The following AMDHD1 variants were observed in gnomAD, a reference collection of about 807,000 sequenced individuals.
AMDHD1 encodes amidohydrolase domain containing 1.
A neutral mutation model predicts 44.1 loss-of-function variants in AMDHD1; 45 were observed. The observed-to-expected ratio is 1.02, with a 90% CI of 0.80 to 1.31. The LOEUF is 1.31. Among genes scored for constraint, AMDHD1 ranks in the 50% most tolerant of loss-of-function variants. The probability of loss-of-function intolerance (pLI) is 0.00; values close to 1 mark genes in which losing one functional copy is unlikely to be tolerated. For synonymous variants in AMDHD1, 206 were observed against 205.0 expected (o/e 1.00, Z -0.04); for missense variants, 586 against 552.1 (o/e 1.06, Z -0.61).
intron 6 of AMDHD1, among the ~76,000 whole-genome samples, chr12:95,964,565 C>T (rs2136770801): frequency 6.6e-6 from 1 of 152,150 alleles, no homozygotes; most frequent in Non-Finnish European, 1.5e-5. Context: ...TGAAGCTGTA[C>T]CCTTTCCTCA....
chr12:95,957,832 C>T (rs1442339273), intron 4 of AMDHD1, among the ~76,000 whole-genome samples: 2 of 152,138 alleles, frequency 1.3e-5, no homozygotes, highest in Non-Finnish European at 2.9e-5. Context: ...GCAGGTGGAT[C>T]GCTTGAGCTC....
chr12:95,957,068 G>A, intron 4 of AMDHD1, 106 bp downstream of exon 4: 2 of 1,491,076 alleles, frequency 1.3e-6, no homozygotes, highest in South Asian at 1.3e-5. Context: ...ATGGATAGAA[G>A]TCTTTGGAAA....
chr12:95,967,641 T>G (rs2080617922), intron 8 of AMDHD1, 115 bp from the exon 9 acceptor site: 3 of 774,900 alleles, frequency 3.9e-6, no homozygotes, highest in Non-Finnish European at 4.0e-6. Context: ...TACCATTGAC[T>G]GGGTGTAAAT....
At chr12:95,960,893 T>C (rs1439051292) in intron 5 of AMDHD1, among the ~76,000 whole-genome samples, 2 of 152,190 alleles carry the variant, frequency 1.3e-5, no homozygotes, top group African/African-American at 2.4e-5. Context: ...AGCTCACACC[T>C]GTAATCCCAG....
intron 6 of AMDHD1, among the ~76,000 whole-genome samples, chr12:95,965,315 A>C (rs2080604643): frequency 6.6e-6 from 1 of 151,916 alleles, no homozygotes. Context: ...AAAAAAAAAA[A>C]AAAAAGCATA....
At position 95,943,421 on chromosome 12, in the gene AMDHD1, T is replaced by G; in HGVS notation, c.23T>G (p.Leu8Arg). 6.6e-7 allele frequency: 1 copy of G among 1,504,940 alleles called. No individual in the cohort carries two copies. Among genetic ancestry groups the G allele is most frequent in the Non-Finnish European group, 8.8e-7 (1 of 1,133,900 alleles). 93.2% of individuals were successfully genotyped at this position (1,504,940 alleles called of 1,614,324 possible). A position where few individuals can be genotyped will look rare whatever the true frequency, so the allele number is the denominator to read the frequency against. The change falls in exon 1 of 9, where the codon CTG becomes CGG. Residue 8 changes from leucine (L) to arginine (R), a missense_variant. Transcript: ENST00000266736. The part of the protein sequence containing the change: MASGHSL[L>R]LENAQQVVLV... ...GACATGGCAAGCGGCCACAGCCTCC[T>G]GCTGGAGAACGCGCAGCAAGTGGTG...
Position 95,954,904 on chromosome 12 carries a change from A to C in AMDHD1, c.245-7A>C. Reference sequence around the variant, plus strand: ...AATTGTAAGATAACTTGATTTATTGATTATAGGTTTGGTGGATGCACACAC... The same window carrying C: ...AATTGTAAGATAACTTGATTTATTGCTTATAGGTTTGGTGGATGCACACAC... On this transcript the variant is annotated splice_polypyrimidine_tract_variant and splice_region_variant and intron_variant, in intron 2 of 8. Coordinates refer to ENST00000266736, the MANE Select transcript of AMDHD1 (RefSeq NM_152435.3). 6.2e-7 allele frequency: 1 copy of C among 1,613,886 alleles called. No homozygotes were observed. The highest frequency in any genetic ancestry group is 1.3e-5 in the African/African-American group (1 of 75,040).
In AMDHD1 at chr12:95,960,584, C is replaced by G; in HGVS notation, c.774C>G (p.Asn258Lys). Residue 258 changes from asparagine to lysine, a missense_variant, in exon 5 of 9, where the codon AAC (asparagine) becomes AAG (lysine). Transcript: ENST00000266736. ...QRGKDIGLQI[N>K]FHGDELHPMK... Reference sequence around the variant, plus strand: ...GAAAAGATATAGGGTTACAGATTAACTTCCATGGGGATGAACTCCACCCGA... The same window carrying G: ...GAAAAGATATAGGGTTACAGATTAAGTTCCATGGGGATGAACTCCACCCGA... The G allele has an allele frequency of 6.2e-7, 1 of 1,614,230 alleles. No individual in the cohort carries two copies. Among genetic ancestry groups the G allele is most frequent in the East Asian group, 2.2e-5 (1 of 44,888 alleles).
At position 95,948,490 on chromosome 12, in the gene AMDHD1, G is replaced by A. The variant is rs1450497766; in HGVS notation, c.138-4227G>A. Among the ~76,000 whole-genome samples the A allele has an allele frequency of 2.7e-3, 217 of 80,050 alleles. 2 individuals are homozygous for A. Among genetic ancestry groups the A allele is most frequent in the African/African-American group, 0.01 (199 of 19,846 alleles). 52.5% of individuals were successfully genotyped at this position (80,050 alleles called of 152,430 possible). The stretch of plus-strand genomic sequence containing the variant: ...CAGCCGCCCCGTCCGGGAGGGAGGT[G>A]GGGGTGTCAGCCCCCCGCCCGGCCA... On this transcript the variant is annotated intron_variant, in intron 1 of 8. Coordinates refer to ENST00000266736, the MANE Select transcript of AMDHD1 (RefSeq NM_152435.3).
At position 95,967,913 on chromosome 12, in the gene AMDHD1, A is replaced by G. The variant is rs1241975518; in HGVS notation, c.*70A>G. The G allele has an allele frequency of 7.8e-6, 8 of 1,025,450 alleles. No individual in the cohort carries two copies. The highest frequency in any genetic ancestry group is 1.1e-5 in the Non-Finnish European group (8 of 703,376). 63.5% of individuals were successfully genotyped at this position (1,025,450 alleles called of 1,614,324 possible). ...ATATAGTTATATTAAAAGTTAAAACACCTTAATATTTACAAGAATTATATC... is the reference window on the plus strand; with the variant it reads ...ATATAGTTATATTAAAAGTTAAAACGCCTTAATATTTACAAGAATTATATC... On this transcript the variant is annotated 3_prime_UTR_variant, in exon 9 of 9. Coordinates refer to ENST00000266736, the MANE Select transcript of AMDHD1 (RefSeq NM_152435.3).
chr12:95,947,594 C>T (rs1459659399), intron 1 of AMDHD1, among the ~76,000 whole-genome samples: 1 of 67,420 alleles, frequency 1.5e-5, no homozygotes, highest in African/African-American at 7.3e-5. Flanking sequence ...CCCCCCCGCC[C>T]GGACAGCCGT....
At position 95,954,925 on chromosome 12, in the gene AMDHD1, C is replaced by A. The variant is rs1193767828; in HGVS notation, c.259C>A (p.His87Asn). Reference protein sequence around the residue: ...KCILPGLVDAHTHPVWAGERV... With the variant: ...KCILPGLVDANTHPVWAGERV... ...ATTGATTATAGGTTTGGTGGATGCA[C>A]ACACACATCCAGTATGGGCTGGTGA... Residue 87 changes from histidine (H) to asparagine (N), a missense_variant, in exon 3 of 9, where the codon CAC (histidine) becomes AAC (asparagine). By Grantham distance (68) the His-to-Asn change is moderately conservative. Coordinates refer to ENST00000266736, the MANE Select transcript of AMDHD1 (RefSeq NM_152435.3). 6 of 1,613,894 alleles carry A rather than the reference C, an allele frequency of 3.7e-6. No homozygotes were observed. The highest frequency in any genetic ancestry group is 5.1e-6 in the Non-Finnish European group (6 of 1,179,886).
In AMDHD1 at chr12:95,955,155, T is replaced by C. The variant is rs1403302964; in HGVS notation, c.309+180T>C. 7.2e-5 allele frequency among the ~76,000 whole-genome samples: 11 copies of C among 152,216 alleles called. No individual in the cohort carries two copies. The South Asian group carries it at 1.9e-3, about 26-fold the overall frequency. On this transcript the variant is annotated intron_variant, in intron 3 of 8. Transcript: ENST00000266736. ...ACTTATTTATAACTGCCCCAAATCATTGTATTATACACAGGGCTATTCCTG... is the reference window on the plus strand; with the variant it reads ...ACTTATTTATAACTGCCCCAAATCACTGTATTATACACAGGGCTATTCCTG...
intron 5 of AMDHD1, among the ~76,000 whole-genome samples, chr12:95,961,648 G>A (rs760333492): frequency 6.6e-6 from 1 of 152,200 alleles, no homozygotes; most frequent in African/African-American, 2.4e-5. Context: ...GCCATCACCT[G>A]TCTGTCGCTT....
chr12:95,959,172 C>T (rs999168742), intron 4 of AMDHD1, among the ~76,000 whole-genome samples: 3 of 152,216 alleles, frequency 2.0e-5, no homozygotes, highest in African/African-American at 7.2e-5. Flanking sequence ...GAGTGAGAGC[C>T]TTCTGTGTGC....
Position 95,956,930 on chromosome 12 carries a change from G to A in AMDHD1, c.555G>A (p.Ser185=), listed in dbSNP as rs150231672. ...RARRELDIGI[S]ATYCGAHSVP... ...GGCGGGAGCTGGACATCGGCATCTCGGCTACCTACTGCGGGGCTCATTCAG... is the reference window on the plus strand; with the variant it reads ...GGCGGGAGCTGGACATCGGCATCTCAGCTACCTACTGCGGGGCTCATTCAG... The change falls in exon 4 of 9, where the codon TCG becomes TCA. Residue 185 remains serine, a synonymous_variant. Coordinates refer to ENST00000266736, the MANE Select transcript of AMDHD1 (RefSeq NM_152435.3). 1.1e-5 allele frequency: 17 copies of A among 1,612,486 alleles called. No individual in the cohort carries two copies. Among genetic ancestry groups the A allele is most frequent in the Non-Finnish European group, 1.4e-5 (17 of 1,179,922 alleles).
chr12:95,964,928 C>CAAAAAAA (rs60076877), intron 6 of AMDHD1, among the ~76,000 whole-genome samples: 1,264 of 35,762 alleles, frequency 0.035, 292 homozygotes, highest in South Asian at 0.13. Context: ...ATGTTTGAGG[C>CAAAAAAA]AAAAAAAAAA....
chr12:95,956,574 A>G (rs2080550959), intron 3 of AMDHD1, 111 bp from the exon 4 acceptor site: 1 of 1,442,938 alleles, frequency 6.9e-7, no homozygotes, highest in East Asian at 2.3e-5. Flanking sequence ...GTTGGTGCCC[A>G]TGCCATATGG....
At chr12:95,963,937 G>T (rs1197343728) in intron 6 of AMDHD1, among the ~76,000 whole-genome samples, 1 of 150,478 alleles carries the variant, frequency 6.6e-6, no homozygotes, top group Non-Finnish European at 1.5e-5. Context: ...GCTGAGGCAG[G>T]AGAATCCCTT....
Sources: allele counts gnomAD v4.1 joint callset (sites outside exome capture counted in the v4.1 genomes callset), GRCh38; gene constraint gnomAD v4.1.1; transcripts MANE v1.5; gene names NCBI Gene and HGNC (gene_info 2026-07-23, HGNC 2026-07-21).